Variants in HDAC6 observed in about 807,000 individuals in gnomAD.
HDAC6 encodes the protein protein deacetylase HDAC6.
Under a neutral mutation model 88.9 loss-of-function variants are expected in HDAC6, and 5 were observed. That is an observed-to-expected ratio of 0.06 (90% confidence interval 0.03 to 0.12). The LOEUF (loss-of-function observed/expected upper bound fraction) is 0.12, where lower values mean the gene tolerates loss of function less well. HDAC6 is among the 10% of genes least tolerant of loss of function. The pLI is 1.00. For missense variants in HDAC6, 706 were observed against 1,014.4 expected, an observed-to-expected ratio of 0.70 and a Z score of 4.13; for synonymous variants, 378 against 398.0, an observed-to-expected ratio of 0.95 and a Z score of 0.60.
At chrX:48,801,601 G>A (rs1264949743), upstream of HDAC6, 2 of 227,378 alleles carry the variant, frequency 8.8e-6, no homozygotes, top group African/African-American at 3.1e-5. Context: ...GCCCTGTCGG[G>A]AACCGCCGGC....
chrX:48,810,330 C>T (rs2062881400), intron 10 of HDAC6, among the ~76,000 whole-genome samples: 1 of 110,877 alleles, frequency 9.0e-6, no homozygotes, highest in Non-Finnish European at 1.9e-5. Context: ...CCCACTGCAG[C>T]CTCTCAAAGC....
At chrX:48,822,381 T>G (rs1569505417) in intron 23 of HDAC6, among the ~76,000 whole-genome samples, 1 of 111,837 alleles carries the variant, frequency 8.9e-6, no homozygotes, top group Non-Finnish European at 1.9e-5. Context: ...TACTAATGCT[T>G]TTATCAGTAT....
chrX:48,808,184 G>A (rs1602244056), intron 9 of HDAC6, 47 bp downstream of exon 9: 2 of 1,147,629 alleles, frequency 1.7e-6, no homozygotes, highest in East Asian at 6.0e-5. Flanking sequence ...GGGGTGGGGT[G>A]TCCTGGTCTG....
At position 48,808,147 on chromosome X, in the gene HDAC6, A is replaced by C; in HGVS notation, c.737+10A>C. 1 of 1,184,570 alleles carries C rather than the reference A, an allele frequency of 8.4e-7. No homozygotes were observed. Among genetic ancestry groups the C allele is most frequent in the Non-Finnish European group, 1.1e-6 (1 of 873,482 alleles). Reference sequence around the variant, plus strand: ...AACACCGCATCCGGAGGTCAGCAACAGAGGGCAGATGTGATGGGGGTGGCA... The same window carrying C: ...AACACCGCATCCGGAGGTCAGCAACCGAGGGCAGATGTGATGGGGGTGGCA... On this transcript the variant is annotated intron_variant, in intron 9 of 28. Coordinates refer to ENST00000334136, the MANE Select transcript of HDAC6 (RefSeq NM_006044.4).
At chrX:48,816,939 G>A in intron 19 of HDAC6, 1 of 291,412 alleles carries the variant, frequency 3.4e-6, no homozygotes, top group Non-Finnish European at 5.9e-6. Flanking sequence ...GGGCAACAGA[G>A]TGAGACCCTG....
rs782712121 is a variant in HDAC6 at position 48,818,172 on chromosome X, T to A, written c.1995-48T>A. 2.7e-5 allele frequency: 32 copies of A among 1,168,959 alleles called. No individual in the cohort carries two copies. The East Asian group carries it at 1.0e-3, about 37-fold the overall frequency. On this transcript the variant is annotated intron_variant, in intron 21 of 28. Coordinates refer to ENST00000334136, the MANE Select transcript of HDAC6 (RefSeq NM_006044.4). ...AGGCGGGTGAGCACCTCAGGGGTAC[T>A]GGAGCCCCTAACCAGCCATGGTCCG...
intron 19 of HDAC6, 55 bp from the exon 20 acceptor site, chrX:48,817,271 G>A (rs903950638): frequency 9.5e-7 from 1 of 1,048,343 alleles, no homozygotes; most frequent in East Asian, 3.5e-5. Context: ...AAAAAAAAAG[G>A]AAGAAAGGAA....
chrX:48,817,096 C>T (rs1344338901), intron 19 of HDAC6: 12 of 306,888 alleles, frequency 3.9e-5, no homozygotes, highest in African/African-American at 3.0e-4. Flanking sequence ...AAGAAACATA[C>T]AAAAAATTAG....
chrX:48,810,840 T>C (rs1025820734), intron 10 of HDAC6: 7 of 110,936 alleles, frequency 6.3e-5, no homozygotes, highest in Non-Finnish European at 1.1e-4. Flanking sequence ...TTTTATCTTA[T>C]GTTTTCTGTC....
chrX:48,802,406 C>A, intron 1 of HDAC6: 1 of 930,683 alleles, frequency 1.1e-6, no homozygotes, highest in Non-Finnish European at 1.4e-6. Context: ...CTCATTGCTC[C>A]GTGAAAGGGC....
chrX:48,804,809 TC>T (rs1557023639), intron 4 of HDAC6, among the ~76,000 whole-genome samples: 7 of 108,594 alleles, frequency 6.4e-5, no homozygotes. Flanking sequence ...GGAGGAGACT[TC>T]AATTTTAAAT....
intron 1 of HDAC6, 154 bp downstream of exon 1, chrX:48,802,296 G>T: frequency 1.1e-6 from 1 of 892,402 alleles, no homozygotes; most frequent in Non-Finnish European, 1.4e-6. Flanking sequence ...TGGGGTCTGG[G>T]CTGGGCTTAG....
In HDAC6 at chrX:48,815,469, C is replaced by T. The variant is rs782676547; in HGVS notation, c.1235C>T (p.Ser412Leu). The T allele has an allele frequency of 1.7e-6, 2 of 1,205,149 alleles. No homozygotes were observed. The highest frequency in any genetic ancestry group is 2.2e-6 in the Non-Finnish European group (2 of 891,869). ...GGAGACCCTTGCCCCATGCTGGAGT[C>T]ACCTGGTGCCCCCTGCCGGAGGTGA... is the stretch of plus-strand genomic sequence containing the variant. ...LLGDPCPMLESPGAPCRSAQA... is the reference protein window; with the variant it reads ...LLGDPCPMLELPGAPCRSAQA... The change falls in exon 15 of 29, where the codon TCA becomes TTA. Residue 412 changes from serine (S) to leucine (L), a missense_variant. Coordinates refer to ENST00000334136, the MANE Select transcript of HDAC6 (RefSeq NM_006044.4).
In HDAC6 at chrX:48,822,614, A is replaced by T. The variant is rs781935289; in HGVS notation, c.2338-6A>T. On this transcript the variant is annotated splice_polypyrimidine_tract_variant and splice_region_variant and intron_variant, in intron 23 of 28. Coordinates refer to ENST00000334136, the MANE Select transcript of HDAC6 (RefSeq NM_006044.4). ...ATACCTTTCCCTCCCCTTTTCCTTAACAAAGGGTGGCTATAACCTGACATC... is the reference window on the plus strand; with the variant it reads ...ATACCTTTCCCTCCCCTTTTCCTTATCAAAGGGTGGCTATAACCTGACATC... 8.6e-7 allele frequency: 1 copy of T among 1,158,122 alleles called. No homozygotes were observed.
chrX:48,814,555 C>T lies in HDAC6; in HGVS notation c.922C>T (p.Pro308Ser). 1 of 1,212,057 alleles carries T rather than the reference C, an allele frequency of 8.3e-7. No individual in the cohort carries two copies. ...AGGCCAAGGATATACCATCAATGTG[C>T]CTTGGAACCAGGTCAGCATCTACCC... is the stretch of plus-strand genomic sequence containing the variant. ...GQGQGYTINV[P>S]WNQVGMRDAD... Residue 308 changes from proline (P) to serine (S), a missense_variant, in exon 11 of 29, where the codon CCT becomes TCT. By Grantham distance (74) the Pro-to-Ser change is moderately conservative (BLOSUM62 -1). Coordinates refer to ENST00000334136, the MANE Select transcript of HDAC6 (RefSeq NM_006044.4).
chrX:48,824,338 C>A (rs372814071), intron 28 of HDAC6, 44 bp downstream of exon 28: 4 of 1,175,113 alleles, frequency 3.4e-6, no homozygotes, highest in East Asian at 6.0e-5. Context: ...ACTCACCCCC[C>A]ACACACACAC....
At position 48,802,758 on chromosome X, in the gene HDAC6, G is replaced by A; in HGVS notation, c.66G>A (p.Ser22=). 8.3e-7 allele frequency: 1 copy of A among 1,207,936 alleles called. No individual in the cohort carries two copies. Among genetic ancestry groups the A allele is most frequent in the Non-Finnish European group, 1.1e-6 (1 of 893,572 alleles). The part of the protein sequence containing the change: ...RQRRSRQNPQ[S]PPQDSSVTSK... Reference sequence around the variant, plus strand: ...GAAGAAGTAGGCAGAACCCCCAGTCGCCCCCTCAGGACTCCAGTGTCACTT... The same window carrying A: ...GAAGAAGTAGGCAGAACCCCCAGTCACCCCCTCAGGACTCCAGTGTCACTT... Residue 22 remains serine, a synonymous_variant, in exon 2 of 29, where the codon TCG becomes TCA. Coordinates refer to ENST00000334136, the MANE Select transcript of HDAC6 (RefSeq NM_006044.4).
chrX:48,802,744 C>A lies in HDAC6; in HGVS notation c.52C>A (p.Gln18Lys), dbSNP rs950820471. The A allele has an allele frequency of 1.7e-6, 2 of 1,208,638 alleles. No homozygotes were observed. Among genetic ancestry groups the A allele is most frequent in the East Asian group, 5.9e-5 (2 of 33,690 alleles). Residue 18 changes from glutamine to lysine, a missense_variant, in exon 2 of 29, where the codon CAG becomes AAG. By Grantham distance (53) the Gln-to-Lys change is moderately conservative. Transcript: ENST00000334136. ...STTTRQRRSR[Q>K]NPQSPPQDSS... The stretch of plus-strand genomic sequence containing the variant: ...CACAACCAGGCAGCGAAGAAGTAGG[C>A]AGAACCCCCAGTCGCCCCCTCAGGA...
In HDAC6 at chrX:48,808,321, C is replaced by T; in HGVS notation, c.801C>T (p.Asp267=). 8.4e-7 allele frequency: 1 copy of T among 1,197,393 alleles called. No individual in the cohort carries two copies. Among genetic ancestry groups the T allele is most frequent in the Admixed American group, 2.2e-5 (1 of 45,419 alleles). Residue 267 remains aspartate, a synonymous_variant, in exon 10 of 29, where the codon GAC becomes GAT. Coordinates refer to ENST00000334136, the MANE Select transcript of HDAC6 (RefSeq NM_006044.4). The stretch of plus-strand genomic sequence containing the variant: ...GAACACAGTTCACCTTCGACCAGGA[C>T]CCCAGGTATACCCCGACTCCCACCT... The part of the protein sequence containing the change: ...GQGTQFTFDQ[D]PSVLYFSIHR...
Sources: allele counts gnomAD v4.1 joint callset (sites outside exome capture counted in the v4.1 genomes callset), GRCh38; gene constraint gnomAD v4.1.1; transcripts MANE v1.5; gene names NCBI Gene and HGNC (gene_info 2026-07-23, HGNC 2026-07-21).